ERC2: variants seen among roughly 807,000 people sequenced by gnomAD.
ERC2 encodes ERC protein 2.
Under a neutral mutation model 114.8 loss-of-function variants are expected in ERC2, and 42 were observed. The observed-to-expected ratio is 0.37, with a 90% confidence interval of 0.29 to 0.47. The LOEUF is 0.47. ERC2 is among the 20% of genes least tolerant of loss of function. The pLI, the probability that ERC2 is intolerant of heterozygous loss-of-function variation, is 0.99. For missense variants in ERC2, 939 were observed against 1,150.7 expected (o/e 0.82, Z 2.66); for synonymous variants, 454 against 425.5 (o/e 1.07, Z -0.82).
intron 2 of ERC2, among the ~76,000 whole-genome samples, chr3:56,296,817 C>T (rs1467905290): frequency 6.6e-6 from 1 of 152,136 alleles, no homozygotes; most frequent in Non-Finnish European, 1.5e-5. Flanking sequence ...TTCCTTGTTT[C>T]CTAAGGTATT....
intron 3 of ERC2, among the ~76,000 whole-genome samples, chr3:56,271,382 T>C (rs7640618): frequency 0.37 from 56,696 of 152,068 alleles, 11,170 homozygotes; most frequent in Middle Eastern, 0.45. Context: ...TGAATTCAAG[T>C]AAGTAGGAGT....
intron 14 of ERC2, among the ~76,000 whole-genome samples, chr3:55,840,559 G>A (rs1463631719): frequency 6.6e-6 from 1 of 151,900 alleles, no homozygotes; most frequent in African/African-American, 2.4e-5. Context: ...AACTACTTTG[G>A]AAAACAGTCA....
At chr3:55,724,723 A>G (rs1430354653) in intron 15 of ERC2, among the ~76,000 whole-genome samples, 1 of 152,234 alleles carries the variant, frequency 6.6e-6, no homozygotes, top group Admixed American at 6.5e-5. Flanking sequence ...TGCACACATT[A>G]TACCCACTCC....
intron 2 of ERC2, among the ~76,000 whole-genome samples, chr3:56,331,345 C>G (rs759325561): frequency 6.6e-6 from 1 of 152,094 alleles, no homozygotes; most frequent in Non-Finnish European, 1.5e-5. Context: ...AATTTTCCAC[C>G]CATTGACCTC....
intron 2 of ERC2, among the ~76,000 whole-genome samples, chr3:56,384,023 G>A (rs2059847778): frequency 6.6e-6 from 1 of 152,090 alleles, no homozygotes; most frequent in Non-Finnish European, 1.5e-5. Context: ...CATAGTATGT[G>A]TCAGAGTTTC....
chr3:55,748,646 C>T (rs1248431754), intron 14 of ERC2, among the ~76,000 whole-genome samples: 1 of 152,306 alleles, frequency 6.6e-6, no homozygotes, highest in East Asian at 1.9e-4. Context: ...AATTCAAATG[C>T]TGGGCAAAGA....
chr3:56,284,741 C>T (rs1359852921), intron 3 of ERC2, among the ~76,000 whole-genome samples: 1 of 152,090 alleles, frequency 6.6e-6, no homozygotes, highest in Non-Finnish European at 1.5e-5. Flanking sequence ...ATTATTACCT[C>T]CATAAATACT....
intron 12 of ERC2, among the ~76,000 whole-genome samples, chr3:55,970,386 C>T (rs1039082599): frequency 6.6e-6 from 1 of 151,326 alleles, no homozygotes; most frequent in Non-Finnish European, 1.5e-5. Flanking sequence ...TTACTAATTA[C>T]TATAGTAGTA....
intron 10 of ERC2, among the ~76,000 whole-genome samples, chr3:56,002,623 G>A (rs946803037): frequency 1.3e-5 from 2 of 152,120 alleles, no homozygotes; most frequent in Non-Finnish European, 2.9e-5. Context: ...GCCTTTAACT[G>A]TTACAAAATC....
chr3:55,952,192 C>A (rs879630079), intron 12 of ERC2, among the ~76,000 whole-genome samples: 57,318 of 108,826 alleles, frequency 0.53, 17,549 homozygotes, highest in Non-Finnish European at 0.62. Flanking sequence ...CTCTCTCTCT[C>A]TCTCTCTATA....
chr3:56,245,513 TG>T (rs1553893728), intron 3 of ERC2, among the ~76,000 whole-genome samples: 1 of 28,454 alleles, frequency 3.5e-5, no homozygotes, highest in Non-Finnish European at 6.1e-5. Context: ...TGGTATGTTG[TG>T]TGTGTGTGTG....
At chr3:55,934,328 T>G (rs2066306769) in intron 13 of ERC2, among the ~76,000 whole-genome samples, 1 of 152,198 alleles carries the variant, frequency 6.6e-6, no homozygotes, top group Admixed American at 6.5e-5. Context: ...GAATATTTGG[T>G]CAATGCTAGG....
Position 56,093,703 on chromosome 3 carries a change from A to C in ERC2, c.1474-12719T>G, listed in dbSNP as rs1025156477. Among the ~76,000 whole-genome samples, 44 of 152,302 alleles carry C rather than the reference A, an allele frequency of 2.9e-4. 1 individual carries two copies. The highest frequency in any genetic ancestry group is 9.6e-4 in the African/African-American group (40 of 41,558). ...TAGTACATAATCTTGATTTGGCTGC[A>C]TAGTTCTATAAGAGCTATAAACATG... On this transcript the variant is annotated intron_variant, in intron 6 of 17. Coordinates refer to ENST00000288221, the MANE Select transcript of ERC2 (RefSeq NM_015576.3).
rs1576478774 is a variant in ERC2, at chr3:55,991,967, G to C, written c.2255+90C>G. ...CTTGTTTCTAACTTGTAATATGAAT[G>C]TACAGTCCAAATCCACCACAACCGG... On this transcript the variant is annotated intron_variant, in intron 11 of 17. Transcript: ENST00000288221. 5 of 1,126,686 alleles carry C rather than the reference G, an allele frequency of 4.4e-6. No homozygotes were observed. The East Asian group carries it at 1.2e-4, about 27-fold the overall frequency. 69.8% of individuals were successfully genotyped at this position (1,126,686 alleles called of 1,614,324 possible).
chr3:56,074,648 C>T (rs545271067), intron 7 of ERC2, among the ~76,000 whole-genome samples: 1 of 152,206 alleles, frequency 6.6e-6, no homozygotes, highest in Non-Finnish European at 1.5e-5. Context: ...CTTACTCAAA[C>T]CTTCATCCCT....
chr3:55,853,122 C>T (rs1469555321), intron 14 of ERC2, among the ~76,000 whole-genome samples: 5 of 152,212 alleles, frequency 3.3e-5, no homozygotes, highest in East Asian at 1.9e-4. Flanking sequence ...TTGAGAACTC[C>T]TGATCTAAGG....
chr3:55,954,131 T>A (rs1334434110), intron 12 of ERC2, among the ~76,000 whole-genome samples: 5 of 117,096 alleles, frequency 4.3e-5, no homozygotes, highest in South Asian at 2.8e-4. Flanking sequence ...TGGGGTGAAA[T>A]TTTTCTCCAG....
chr3:56,403,756 C>T (rs532923030), intron 2 of ERC2, among the ~76,000 whole-genome samples: 1 of 152,312 alleles, frequency 6.6e-6, no homozygotes, highest in East Asian at 1.9e-4. Flanking sequence ...CATATTTCTC[C>T]AGACTAAACA....
intron 2 of ERC2, among the ~76,000 whole-genome samples, chr3:56,413,388 C>T (rs1237492124): frequency 2.6e-5 from 4 of 152,192 alleles, no homozygotes; most frequent in Non-Finnish European, 1.5e-5. Context: ...CCTGATCTCC[C>T]CCTGAGCATG....
Sources: allele counts gnomAD v4.1 joint callset (sites outside exome capture counted in the v4.1 genomes callset), GRCh38; gene constraint gnomAD v4.1.1; transcripts MANE v1.5; gene names NCBI Gene and HGNC (gene_info 2026-07-23, HGNC 2026-07-21).